The following OPCML variants were observed in gnomAD, a reference collection of about 807,000 sequenced individuals.
The protein encoded by OPCML is opioid binding protein/cell adhesion molecule like, also known as opioid-binding protein/cell adhesion molecule.
In OPCML, 13 loss-of-function variants were observed where a neutral mutation model predicts 37.8. The observed-to-expected ratio is 0.34, with a 90% CI of 0.22 to 0.55. The LOEUF is 0.55. Among genes scored for constraint, OPCML ranks in the 20% least tolerant of loss-of-function variants. The pLI is 0.91. For missense variants in OPCML, 341 were observed against 435.6 expected, an observed-to-expected ratio of 0.78 and a Z score of 1.93; for synonymous variants, 176 against 168.8, an observed-to-expected ratio of 1.04 and a Z score of -0.33.
intron 1 of OPCML, among the ~76,000 whole-genome samples, chr11:133,469,232 T>TATATATGAGACCAC (rs1431796403): frequency 6.6e-6 from 1 of 152,222 alleles, no homozygotes; most frequent in Non-Finnish European, 1.5e-5. Flanking sequence ...ATGGACCACA[T>TATATATGAGACCAC]ATATGATAGT....
At chr11:133,113,225 G>A (rs1949284169) in intron 1 of OPCML, among the ~76,000 whole-genome samples, 1 of 151,840 alleles carries the variant, frequency 6.6e-6, no homozygotes, top group Admixed American at 6.6e-5. Flanking sequence ...GCCTTATTTT[G>A]GATCTGTTTT....
chr11:132,469,453 G>A (rs1002080288), intron 4 of OPCML, among the ~76,000 whole-genome samples: 1 of 151,102 alleles, frequency 6.6e-6, no homozygotes, highest in African/African-American at 2.4e-5. Flanking sequence ...GTATGTGTGT[G>A]TGTGGTGCCT....
intron 1 of OPCML, among the ~76,000 whole-genome samples, chr11:133,243,812 T>C (rs1940818572): frequency 6.6e-6 from 1 of 152,138 alleles, no homozygotes; most frequent in African/African-American, 2.4e-5. Context: ...GACAGCACAG[T>C]CGGAAAAGCA....
At chr11:132,555,775 G>T (rs1234563504) in intron 3 of OPCML, among the ~76,000 whole-genome samples, 1 of 152,004 alleles carries the variant, frequency 6.6e-6, no homozygotes, top group Non-Finnish European at 1.5e-5. Flanking sequence ...ATGTAGCACT[G>T]GTCTGAACAA....
At chr11:133,319,415 C>T (rs1943278320) in intron 1 of OPCML, among the ~76,000 whole-genome samples, 2 of 152,234 alleles carry the variant, frequency 1.3e-5, no homozygotes, top group Non-Finnish European at 2.9e-5. Context: ...AGTCTTCTTC[C>T]GAGGTCCCGA....
chr11:132,630,401 T>C (rs1940024855), intron 3 of OPCML, among the ~76,000 whole-genome samples: 1 of 152,132 alleles, frequency 6.6e-6, no homozygotes, highest in Non-Finnish European at 1.5e-5. Flanking sequence ...CTACTAAAAA[T>C]ACAAAAATTA....
intron 3 of OPCML, among the ~76,000 whole-genome samples, chr11:132,559,357 G>T (rs1025337249): frequency 6.6e-6 from 1 of 152,156 alleles, no homozygotes; most frequent in African/African-American, 2.4e-5. Flanking sequence ...GGTGGAAGAT[G>T]AAAGAAGTCA....
chr11:132,948,013 T>C (rs935087274), intron 1 of OPCML, among the ~76,000 whole-genome samples: 16 of 152,366 alleles, frequency 1.1e-4, no homozygotes, highest in African/African-American at 3.8e-4. Flanking sequence ...CAACCTATAC[T>C]ACTTTTGAAG....
At chr11:132,616,027 A>G (rs1366705434) in intron 3 of OPCML, among the ~76,000 whole-genome samples, 1 of 152,152 alleles carries the variant, frequency 6.6e-6, no homozygotes, top group Non-Finnish European at 1.5e-5. Context: ...GGTTTTCCCA[A>G]CACCTATTTG....
chr11:133,000,024 A>T (rs1239900331), intron 1 of OPCML, among the ~76,000 whole-genome samples: 1 of 152,178 alleles, frequency 6.6e-6, no homozygotes, highest in East Asian at 1.9e-4. Context: ...TGAAGTTGAC[A>T]AGAAAGGAGG....
intron 2 of OPCML, among the ~76,000 whole-genome samples, chr11:132,724,558 G>A (rs747496398): frequency 2.9e-4 from 44 of 151,878 alleles, no homozygotes; most frequent in Non-Finnish European, 4.4e-4. Context: ...TCCTCCCCCC[G>A]CACCCCACAA....
intron 2 of OPCML, among the ~76,000 whole-genome samples, chr11:132,681,188 G>A (rs879647297): frequency 3.9e-5 from 6 of 152,178 alleles, no homozygotes; most frequent in Non-Finnish European, 4.4e-5. Context: ...AGGCAGAAAA[G>A]GGTGCGGTCC....
At chr11:133,271,067 A>G (rs911744695) in intron 1 of OPCML, among the ~76,000 whole-genome samples, 22 of 152,204 alleles carry the variant, frequency 1.4e-4, no homozygotes, top group African/African-American at 5.1e-4. Context: ...ACAGTAAGAC[A>G]TCAGACTTTG....
intron 1 of OPCML, among the ~76,000 whole-genome samples, chr11:133,497,171 A>G (rs1485602040): frequency 6.6e-6 from 1 of 152,180 alleles, no homozygotes; most frequent in African/African-American, 2.4e-5. Context: ...GTCGTTTAAC[A>G]TAATCCCAAA....
intron 1 of OPCML, chr11:133,006,525 A>C: frequency 5.1e-6 from 5 of 985,386 alleles, no homozygotes; most frequent in Non-Finnish European, 6.0e-6. Context: ...CAGTTACCCC[A>C]ATTGTAACTA....
At chr11:132,509,549 G>C (rs2137170539) in intron 4 of OPCML, among the ~76,000 whole-genome samples, 1 of 152,306 alleles carries the variant, frequency 6.6e-6, no homozygotes, top group Admixed American at 6.5e-5. Flanking sequence ...CTCGTATTGT[G>C]TGCAGCCTAG....
chr11:132,596,947 C>T (rs932623839), intron 3 of OPCML, among the ~76,000 whole-genome samples: 5 of 152,194 alleles, frequency 3.3e-5, no homozygotes, highest in Non-Finnish European at 7.3e-5. Context: ...CAGCATACCT[C>T]CTTGAAGCAC....
chr11:132,436,155 C>A lies in OPCML; in HGVS notation c.847G>T (p.Asp283Tyr). 1 of 1,614,200 alleles carries A rather than the reference C, an allele frequency of 6.2e-7. No homozygotes were observed. Among genetic ancestry groups the A allele is most frequent in the Non-Finnish European group, 8.5e-7 (1 of 1,180,028 alleles). Residue 283 changes from aspartate (D) to tyrosine (Y), a missense_variant, in exon 7 of 8, where the codon GAT becomes TAT. Asp to Tyr is a radical substitution (Grantham distance 160). Transcript: ENST00000524381. ...TLTFFNVSEK[D>Y]YGNYTCVATN... ...GCCACACAAGTATAGTTCCCATAAT[C>A]CTTTTCTGAAACATTGAAGAAAGTC...
intron 2 of OPCML, among the ~76,000 whole-genome samples, chr11:132,736,421 G>C (rs529478194): frequency 1.3e-5 from 2 of 152,274 alleles, no homozygotes; most frequent in South Asian, 4.1e-4. Context: ...GGAGGAATAT[G>C]AATGGTTAAG....
Sources: allele counts gnomAD v4.1 joint callset (sites outside exome capture counted in the v4.1 genomes callset), GRCh38; gene constraint gnomAD v4.1.1; transcripts MANE v1.5; gene names NCBI Gene and HGNC (gene_info 2026-07-23, HGNC 2026-07-21).